Variants in OSBPL10 observed in about 807,000 individuals in gnomAD.
The protein encoded by OSBPL10 is oxysterol binding protein like 10.
In OSBPL10, 49 loss-of-function variants were observed where a neutral mutation model predicts 81.7. That is an observed-to-expected ratio of 0.60 (90% confidence interval 0.48 to 0.76). The LOEUF is 0.76. Ranked by LOEUF, OSBPL10 falls within the 30% of genes least tolerant of loss-of-function variation. OSBPL10 has a pLI of 0.00. For synonymous variants in OSBPL10, 419 were observed against 383.6 expected, an observed-to-expected ratio of 1.09 and a Z score of -1.08; for missense variants, 923 against 987.8, an observed-to-expected ratio of 0.93 and a Z score of 0.88.
At chr3:31,713,962 G>A (rs568464157) in intron 6 of OSBPL10, 14 of 152,312 alleles carry the variant, frequency 9.2e-5, no homozygotes, top group South Asian at 2.1e-4. Flanking sequence ...TGACTTATTC[G>A]TTGCATAAGT....
chr3:31,860,206 G>A (rs912145208), intron 3 of OSBPL10, among the ~76,000 whole-genome samples: 4 of 152,072 alleles, frequency 2.6e-5, no homozygotes, highest in African/African-American at 4.8e-5. Flanking sequence ...CCTGCACCTC[G>A]GCAACCTCTG....
chr3:31,875,970 T>C (rs569161811), intron 3 of OSBPL10, among the ~76,000 whole-genome samples: 52 of 152,286 alleles, frequency 3.4e-4, no homozygotes, highest in African/African-American at 1.1e-3. Context: ...GAATAAATCA[T>C]ACTTGGATGC....
chr3:31,865,027 C>T (rs1022927613), intron 3 of OSBPL10, among the ~76,000 whole-genome samples: 27 of 151,692 alleles, frequency 1.8e-4, no homozygotes, highest in African/African-American at 6.5e-4. Context: ...CATTTAATGC[C>T]GAGGTCCTAA....
intron 1 of OSBPL10, among the ~76,000 whole-genome samples, chr3:31,965,561 A>T (rs1422718261): frequency 2.5e-5 from 2 of 79,376 alleles, no homozygotes; most frequent in Non-Finnish European, 2.1e-5. Context: ...TATTATATAA[A>T]TTATATATTA....
At chr3:31,931,568 G>C (rs1193916670) in intron 1 of OSBPL10, among the ~76,000 whole-genome samples, 1 of 152,126 alleles carries the variant, frequency 6.6e-6, no homozygotes, top group Non-Finnish European at 1.5e-5. Context: ...AGAATGCCAC[G>C]CTCCTTGTCT....
intron 6 of OSBPL10, among the ~76,000 whole-genome samples, chr3:31,713,236 G>C (rs115679582): frequency 1.3e-5 from 2 of 151,940 alleles, no homozygotes; most frequent in African/African-American, 4.8e-5. Flanking sequence ...TCTTGATCAC[G>C]CTCCCCTCCT....
intron 6 of OSBPL10, among the ~76,000 whole-genome samples, chr3:31,712,230 C>G (rs1178069941): frequency 6.6e-6 from 1 of 152,194 alleles, no homozygotes; most frequent in African/African-American, 2.4e-5. Flanking sequence ...ATCTCAAGTT[C>G]AGCCTTCTCC....
chr3:31,702,653 C>T (rs1382253218), intron 6 of OSBPL10, 145 bp from the exon 7 acceptor site: 15 of 1,136,210 alleles, frequency 1.3e-5, no homozygotes, highest in Admixed American at 9.4e-5. Context: ...CTATTGGCCA[C>T]GGGGCAGACA....
At chr3:31,789,607 G>A (rs773528554) in intron 4 of OSBPL10, among the ~76,000 whole-genome samples, 1 of 152,196 alleles carries the variant, frequency 6.6e-6, no homozygotes, top group Non-Finnish European at 1.5e-5. Context: ...CCAGGCAGGG[G>A]CACTGCCTCA....
At chr3:31,932,518 A>G (rs1697277525) in intron 1 of OSBPL10, among the ~76,000 whole-genome samples, 1 of 152,188 alleles carries the variant, frequency 6.6e-6, no homozygotes, top group African/African-American at 2.4e-5. Context: ...AATTTAACGA[A>G]CACCTTGTCT....
chr3:31,905,226 C>T (rs1030510861), intron 1 of OSBPL10, among the ~76,000 whole-genome samples: 8 of 151,906 alleles, frequency 5.3e-5, no homozygotes, highest in African/African-American at 1.9e-4. Flanking sequence ...TCACATTCTG[C>T]ATAAATACAT....
Position 32,058,023 on chromosome 3 carries a change from C to T in OSBPL10, n.186-11420G>A, listed in dbSNP as rs1699726102. Among the ~76,000 whole-genome samples the T allele has an allele frequency of 2.6e-5, 4 of 152,176 alleles. No individual in the cohort carries two copies. In the South Asian group the frequency reaches 8.3e-4, roughly 32 times the overall value. ...AATTCAAAGAATTAATAATTCATGG[C>T]ACTATCAGGAAATGAAGACCATTGA... is the stretch of plus-strand genomic sequence containing the variant. On this transcript the variant is annotated intron_variant and non_coding_transcript_variant, in intron 1 of 3. Coordinates refer to the OSBPL10 transcript ENST00000479173.
chr3:31,998,468 A>G (rs1699112421), intron 2 of OSBPL10, among the ~76,000 whole-genome samples: 1 of 152,178 alleles, frequency 6.6e-6, no homozygotes, highest in African/African-American at 2.4e-5. Context: ...CTTATTTACA[A>G]TTTAGAAAGG....
intron 1 of OSBPL10, among the ~76,000 whole-genome samples, chr3:31,913,792 T>C (rs1696661885): frequency 6.6e-6 from 1 of 152,350 alleles, no homozygotes; most frequent in South Asian, 2.1e-4. Flanking sequence ...TGCAATTCTA[T>C]GCCCCGATTC....
At chr3:31,669,153 C>T (rs562551442) in intron 9 of OSBPL10, among the ~76,000 whole-genome samples, 29 of 152,062 alleles carry the variant, frequency 1.9e-4, no homozygotes, top group African/African-American at 5.1e-4. Context: ...GGGAAGGGGA[C>T]GAGAATTAAA....
At chr3:32,055,699 C>A (rs911180633) in intron 1 of OSBPL10, among the ~76,000 whole-genome samples, 1 of 152,202 alleles carries the variant, frequency 6.6e-6, no homozygotes, top group Non-Finnish European at 1.5e-5. Flanking sequence ...CTGGAATCGC[C>A]TGCTTTCCTT....
rs1012069075 is a variant in OSBPL10 at position 32,054,243 on chromosome 3, C to A, written n.186-7640G>T. 2.6e-5 allele frequency among the ~76,000 whole-genome samples: 4 copies of A among 152,052 alleles called. No homozygotes were observed. The East Asian group carries it at 5.8e-4, about 22-fold the overall frequency. ...TCCAAAATCATTTTCTAAATTATGT[C>A]TTTTTCTGATCTAATTAATCTTTTA... On this transcript the variant is annotated intron_variant and non_coding_transcript_variant, in intron 1 of 3. Transcript: ENST00000479173.
intron 1 of OSBPL10, among the ~76,000 whole-genome samples, chr3:31,886,679 C>T (rs918524370): frequency 6.6e-6 from 1 of 152,212 alleles, no homozygotes; most frequent in African/African-American, 2.4e-5. Flanking sequence ...CGGTGGATCA[C>T]GCCTGTAATC....
intron 4 of OSBPL10, among the ~76,000 whole-genome samples, chr3:31,814,999 C>T (rs4591530): frequency 0.67 from 101,365 of 152,024 alleles, 34,731 homozygotes; most frequent in East Asian, 0.93. Context: ...TGACAGTTTC[C>T]AGGCCCAGGT....
Sources: allele counts gnomAD v4.1 joint callset (sites outside exome capture counted in the v4.1 genomes callset), GRCh38; gene constraint gnomAD v4.1.1; transcripts MANE v1.5; gene names NCBI Gene and HGNC (gene_info 2026-07-23, HGNC 2026-07-21).